DNAH6: variants seen among roughly 807,000 people sequenced by gnomAD.
DNAH6 encodes axonemal beta dynein heavy chain 6.
A neutral mutation model predicts 491.4 loss-of-function variants in DNAH6; 340 were observed. That is an observed-to-expected ratio of 0.69 (90% CI 0.63 to 0.76). The LOEUF is 0.76. Ranked by LOEUF, DNAH6 falls within the 30% of genes least tolerant of loss-of-function variation. The pLI is 0.00. For missense variants in DNAH6, 4,443 were observed against 4,972.2 expected, an observed-to-expected ratio of 0.89 and a Z score of 3.20; for synonymous variants, 1,603 against 1,686.1, an observed-to-expected ratio of 0.95 and a Z score of 1.21.
At chr2:84,561,165 G>T (rs1426012614) in intron 11 of DNAH6, among the ~76,000 whole-genome samples, 1 of 152,128 alleles carries the variant, frequency 6.6e-6, no homozygotes, top group African/African-American at 2.4e-5. Context: ...AACCAAAACA[G>T]CATGGTACTG....
At position 84,787,245 on chromosome 2, in the gene DNAH6, C is replaced by T; in HGVS notation, c.11182C>T (p.Leu3728Phe). The change falls in exon 68 of 77, where the codon CTC becomes TTC. Residue 3728 changes from leucine (L) to phenylalanine (F), a missense_variant. By Grantham distance (22) the Leu-to-Phe change is conservative. Around this residue, in one of 3 missense-constraint regions of DNAH6, gnomAD observed 1,463 missense variants for 1,656.6 expected, o/e 0.88. Transcript: ENST00000389394. ...DSDRECALLN[L>F]KLYCKEGKIP... is the part of the protein sequence containing the mutation. ...TGACAGGGAATGTGCTTTACTGAATCTCAAACTCTATTGTAAAGAAGGAAA... is the reference window on the plus strand; with the variant it reads ...TGACAGGGAATGTGCTTTACTGAATTTCAAACTCTATTGTAAAGAAGGAAA... 6.5e-7 allele frequency: 1 copy of T among 1,546,358 alleles called. No individual in the cohort carries two copies. The highest frequency in any genetic ancestry group is 8.7e-7 in the Non-Finnish European group (1 of 1,143,280).
chr2:84,695,176 A>G (rs538928701), intron 46 of DNAH6, among the ~76,000 whole-genome samples: 79 of 152,314 alleles, frequency 5.2e-4, no homozygotes, highest in African/African-American at 1.7e-3. Flanking sequence ...GGAAAAGTCA[A>G]GCACATCTAT....
At chr2:84,575,844 G>A (rs143493619) in intron 12 of DNAH6, among the ~76,000 whole-genome samples, 3,587 of 152,110 alleles carry the variant, frequency 0.024, 58 homozygotes, top group Middle Eastern at 0.092. Flanking sequence ...AGATCGCGCC[G>A]CTGCACTCCA....
the DNAH6 span, among the ~76,000 whole-genome samples, chr2:84,500,912 T>A: frequency 6.6e-6 from 1 of 152,204 alleles, no homozygotes; most frequent in South Asian, 2.1e-4. Context: ...TTATCAGTAC[T>A]AATAGTTTTT....
chr2:84,614,557 G>A (rs1305136611), intron 22 of DNAH6, among the ~76,000 whole-genome samples: 4 of 152,124 alleles, frequency 2.6e-5, no homozygotes, highest in South Asian at 4.1e-4. Context: ...CCAGTAATGG[G>A]ATTGCTGGAT....
Position 84,583,630 on chromosome 2 carries a change from A to G in DNAH6, c.2230-369A>G, listed in dbSNP as rs372905986. Among the ~76,000 whole-genome samples the G allele has an allele frequency of 2.8e-4, 42 of 152,282 alleles. No homozygotes were observed. In the South Asian group the frequency reaches 8.7e-3, roughly 32 times the overall value. On this transcript the variant is annotated intron_variant, in intron 14 of 76. Coordinates refer to ENST00000389394, the MANE Select transcript of DNAH6 (RefSeq NM_001370.2). ...ATGTCAAAGATGGGGCCAGGTGGAG[A>G]TAATTGAATCATGGGGGTGGTTTCC...
At chr2:84,659,195 A>G in intron 37 of DNAH6, 26 bp downstream of exon 37, 1 of 1,227,504 alleles carries the variant, frequency 8.1e-7, no homozygotes, top group Non-Finnish European at 1.1e-6. Context: ...ATTATATTTT[A>G]ACATAATAAT....
At chr2:84,508,710 A>G in the DNAH6 span, among the ~76,000 whole-genome samples, 1 of 152,156 alleles carries the variant, frequency 6.6e-6, no homozygotes, top group South Asian at 2.1e-4. Context: ...ATTTAGTGCT[A>G]TAAATTTCCC....
chr2:84,719,093 G>C (rs1361539393), intron 59 of DNAH6, among the ~76,000 whole-genome samples: 1 of 152,064 alleles, frequency 6.6e-6, no homozygotes, highest in Non-Finnish European at 1.5e-5. Flanking sequence ...AAATCCCCTT[G>C]ACTTTATTAA....
chr2:84,547,411 T>G lies in DNAH6; in HGVS notation c.1065+9T>G. 3 of 1,551,626 alleles carry G rather than the reference T, an allele frequency of 1.9e-6. No homozygotes were observed. The highest frequency in any genetic ancestry group is 2.6e-6 in the Non-Finnish European group (3 of 1,146,918). ...TCATACGGCTAGCAGAGGTAACAAA[T>G]TTTGTCTATAAGAATCAAAGCTTTT... On this transcript the variant is annotated intron_variant, in intron 6 of 76. Coordinates refer to ENST00000389394, the MANE Select transcript of DNAH6 (RefSeq NM_001370.2).
chr2:84,535,369 T>C (rs1244814767), intron 4 of DNAH6, among the ~76,000 whole-genome samples: 4 of 151,940 alleles, frequency 2.6e-5, no homozygotes, highest in Non-Finnish European at 4.4e-5. Flanking sequence ...ACTACAGTAA[T>C]AGACCTGTCC....
Position 84,619,728 on chromosome 2 carries a change from C to T in DNAH6, c.3616C>T (p.Gln1206Ter). The part of the protein sequence containing the change: ...SNDELLEILA[Q>*]TRNPQAVQPH... ...TGATGAACTTCTGGAGATTTTGGCC[C>T]AGACACGAAATCCACAGGCCGTGCA... The change falls in exon 24 of 77, where the codon CAG becomes TAG. Residue 1206 changes from glutamine (Q) to a stop codon, truncating the protein, a stop_gained. Transcript: ENST00000389394. LOFTEE classifies it high-confidence loss of function. The T allele has an allele frequency of 6.4e-7, 1 of 1,551,568 alleles. No individual in the cohort carries two copies. The highest frequency in any genetic ancestry group is 8.7e-7 in the Non-Finnish European group (1 of 1,146,842).
At chr2:84,654,520 T>C in intron 34 of DNAH6, 140 bp from the exon 35 acceptor site, 1 of 1,102,132 alleles carries the variant, frequency 9.1e-7, no homozygotes, top group Non-Finnish European at 1.3e-6. Context: ...CTTATTGCTC[T>C]CCCACTCTCT....
rs529156712 is a variant in DNAH6, at chr2:84,799,628, C to G, written c.11481+1970C>G. Among the ~76,000 whole-genome samples, 15 of 152,376 alleles carry G rather than the reference C, an allele frequency of 9.8e-5. No homozygotes were observed. The South Asian group carries it at 2.9e-3, about 29-fold the overall frequency. On this transcript the variant is annotated intron_variant, in intron 70 of 76. Coordinates refer to ENST00000389394, the MANE Select transcript of DNAH6 (RefSeq NM_001370.2). The stretch of plus-strand genomic sequence containing the variant: ...ACCTGCAGACATACTCCACAACTCA[C>G]TCTAACTTTGGCAAGCACAGGGGAT...
intron 11 of DNAH6, among the ~76,000 whole-genome samples, chr2:84,565,126 A>T (rs1681049913): frequency 6.6e-6 from 1 of 152,102 alleles, no homozygotes; most frequent in African/African-American, 2.4e-5. Context: ...ATCTATGTTC[A>T]TCAGGGATAT....
intron 69 of DNAH6, 129 bp downstream of exon 69, chr2:84,796,554 A>G: frequency 1.5e-6 from 1 of 646,502 alleles, no homozygotes; most frequent in Non-Finnish European, 2.4e-6. Context: ...CCCTATCCCC[A>G]TGCTTGGCCA....
In DNAH6 at chr2:84,620,011, A is replaced by C. The variant is rs1687248240; in HGVS notation, c.3792+107A>C. The stretch of plus-strand genomic sequence containing the variant: ...CTCTGTTGGCTCAGCAGTTTCAAGG[A>C]TAACCAAGATAAAATTCTTGCCCTC... On this transcript the variant is annotated intron_variant, in intron 24 of 76. Coordinates refer to ENST00000389394, the MANE Select transcript of DNAH6 (RefSeq NM_001370.2). 3.1e-6 allele frequency: 3 copies of C among 981,528 alleles called. No homozygotes were observed. In the Admixed American group the frequency reaches 8.4e-5, roughly 28 times the overall value. The allele number at this position is 981,528 out of a possible 1,614,324, so 60.8% of individuals were successfully genotyped here.
chr2:84,705,658 T>C lies in DNAH6; in HGVS notation c.8638T>C (p.Ser2880Pro), dbSNP rs1357100094. Residue 2880 changes from serine to proline, a missense_variant, in exon 52 of 77, where the codon TCT becomes CCT. Around this residue, in one of 3 missense-constraint regions of DNAH6, gnomAD observed 1,463 missense variants for 1,656.6 expected, o/e 0.88. Coordinates refer to ENST00000389394, the MANE Select transcript of DNAH6 (RefSeq NM_001370.2). ...GGAGAAAGTGTCCAAAGCATGTAAA[T>C]CTATGTGCATGTGGGTAAGAGCTAT... ...KVEKVSKACKSMCMWVRAMDL... is the reference protein window; with the variant it reads ...KVEKVSKACKPMCMWVRAMDL... 3 of 1,551,636 alleles carry C rather than the reference T, an allele frequency of 1.9e-6. No individual in the cohort carries two copies. Among genetic ancestry groups the C allele is most frequent in the Non-Finnish European group, 1.7e-6 (2 of 1,146,972 alleles).
chr2:84,477,885 G>A, the DNAH6 span, among the ~76,000 whole-genome samples: 1 of 152,202 alleles, frequency 6.6e-6, no homozygotes, highest in African/African-American at 2.4e-5. Context: ...TCTGCCACAT[G>A]GAAATGGAAC....
Sources: gnomAD v4.1 joint callset for allele counts (sites outside exome capture counted in the v4.1 genomes callset) on GRCh38, gnomAD v4.1.1 for gene constraint, gnomAD v4.1.1 regional missense constraint, MANE v1.5 for transcripts, NCBI Gene and HGNC (gene_info 2026-07-23, HGNC 2026-07-21) for gene names.